CNTN5: variants seen among roughly 807,000 people sequenced by gnomAD.
The protein encoded by CNTN5 is contactin-5.
In CNTN5, 77 loss-of-function variants were observed where a neutral mutation model predicts 129.1. That is an observed-to-expected ratio of 0.60 (90% confidence interval 0.50 to 0.72). CNTN5 has a LOEUF of 0.72. Among genes scored for constraint, CNTN5 ranks in the 30% least tolerant of loss-of-function variants. CNTN5 has a pLI of 0.00. For synonymous variants in CNTN5, 509 were observed against 465.6 expected (o/e 1.09, Z -1.20); for missense variants, 1,478 against 1,328.8 (o/e 1.11, Z -1.75).
At chr11:100,053,500 A>G (rs1402126587) in intron 9 of CNTN5, among the ~76,000 whole-genome samples, 2 of 151,782 alleles carry the variant, frequency 1.3e-5, no homozygotes, top group Admixed American at 1.3e-4. Context: ...ATCAGGCAAT[A>G]TAAATTGAAA....
At position 99,519,336 on chromosome 11, in the gene CNTN5, A is replaced by G. The variant is rs779318104; in HGVS notation, c.-70-36809A>G. 2.2e-4 allele frequency among the ~76,000 whole-genome samples: 34 copies of G among 152,030 alleles called. 1 individual carries two copies. Among genetic ancestry groups the G allele is most frequent in the Non-Finnish European group, 2.9e-5 (2 of 67,938 alleles). On this transcript the variant is annotated intron_variant, in intron 2 of 24. Transcript: ENST00000524871. Reference sequence around the variant, plus strand: ...TTCTTATGCAATACTCTTCTTCTTAACATCATGCTGCTATCCTTACAGTTT... The same window carrying G: ...TTCTTATGCAATACTCTTCTTCTTAGCATCATGCTGCTATCCTTACAGTTT...
intron 3 of CNTN5, among the ~76,000 whole-genome samples, chr11:99,578,499 T>A (rs1256053341): frequency 6.6e-6 from 1 of 150,748 alleles, no homozygotes; most frequent in South Asian, 2.1e-4. Context: ...TGTTGTTTCC[T>A]GACTTTTTAA....
At chr11:99,446,800 C>G (rs559192476) in intron 2 of CNTN5, among the ~76,000 whole-genome samples, 1 of 152,192 alleles carries the variant, frequency 6.6e-6, no homozygotes, top group Non-Finnish European at 1.5e-5. Context: ...ATAGTCAATA[C>G]AATTTAGGCT....
At chr11:99,915,969 G>C (rs932553234) in intron 6 of CNTN5, 85 bp from the exon 7 acceptor site, 1 of 1,040,876 alleles carries the variant, frequency 9.6e-7, no homozygotes, top group Non-Finnish European at 1.4e-6. Flanking sequence ...TGAAGATAAC[G>C]ATAGAAAGTA....
chr11:99,486,967 G>A (rs936633368), intron 2 of CNTN5, among the ~76,000 whole-genome samples: 4 of 152,152 alleles, frequency 2.6e-5, no homozygotes, highest in East Asian at 3.9e-4. Flanking sequence ...GGGGACATAG[G>A]AACTGCATCT....
chr11:100,353,441 A>G (rs909647435), intron 24 of CNTN5, among the ~76,000 whole-genome samples: 3 of 151,592 alleles, frequency 2.0e-5, no homozygotes, highest in African/African-American at 7.3e-5. Flanking sequence ...TATGAAAGTA[A>G]TATGTTTTAG....
intron 7 of CNTN5, among the ~76,000 whole-genome samples, chr11:99,936,195 A>T (rs79961929): frequency 0.29 from 44,443 of 151,996 alleles, 6,923 homozygotes; most frequent in East Asian, 0.36. Flanking sequence ...TATTAAAAAA[A>T]TTTTTTACCT....
intron 4 of CNTN5, among the ~76,000 whole-genome samples, chr11:99,828,183 G>A (rs1490491440): frequency 6.6e-6 from 1 of 152,124 alleles, no homozygotes; most frequent in Non-Finnish European, 1.5e-5. Flanking sequence ...AATCAGTAAT[G>A]TGAATAGCTC....
intron 3 of CNTN5, among the ~76,000 whole-genome samples, chr11:99,802,044 T>C (rs1946130254): frequency 6.6e-6 from 1 of 152,212 alleles, no homozygotes; most frequent in East Asian, 1.9e-4. Context: ...TTTCTCTTCG[T>C]TTTCCCACAA....
At chr11:99,159,161 T>C (rs1042449624) in intron 1 of CNTN5, among the ~76,000 whole-genome samples, 4 of 152,200 alleles carry the variant, frequency 2.6e-5, no homozygotes, top group Non-Finnish European at 5.9e-5. Context: ...TCTGTTTCTT[T>C]AGTGCTGGGT....
At chr11:99,420,940 C>G (rs909863417) in intron 2 of CNTN5, among the ~76,000 whole-genome samples, 2 of 152,154 alleles carry the variant, frequency 1.3e-5, no homozygotes, top group Admixed American at 1.3e-4. Flanking sequence ...TGCACTGTTA[C>G]AGAATCACAG....
intron 3 of CNTN5, among the ~76,000 whole-genome samples, chr11:99,598,289 CTTT>C (rs1950191181): frequency 6.4e-3 from 29 of 4,548 alleles, no homozygotes; most frequent in South Asian, 0.014. Flanking sequence ...CTTTTCTTTT[CTTT>C]TCTTTTCTTT....
intron 1 of CNTN5, among the ~76,000 whole-genome samples, chr11:99,209,588 A>G (rs982233621): frequency 2.0e-5 from 3 of 152,262 alleles, no homozygotes; most frequent in East Asian, 1.9e-4. Flanking sequence ...ACTTCCAACA[A>G]TGGGGATTAC....
At chr11:100,116,673 G>A (rs758297074) in intron 13 of CNTN5, among the ~76,000 whole-genome samples, 1 of 151,752 alleles carries the variant, frequency 6.6e-6, no homozygotes, top group Non-Finnish European at 1.5e-5. Context: ...CCTGTATAAT[G>A]ATAATATAAT....
chr11:100,302,184 T>G (rs1951237298), intron 20 of CNTN5, among the ~76,000 whole-genome samples: 1 of 151,674 alleles, frequency 6.6e-6, no homozygotes, highest in Non-Finnish European at 1.5e-5. Flanking sequence ...CTTCGCAATT[T>G]GCTTTACTTA....
At chr11:99,321,114 GT>G (rs1390209856) in intron 1 of CNTN5, among the ~76,000 whole-genome samples, 1 of 151,890 alleles carries the variant, frequency 6.6e-6, no homozygotes, top group Non-Finnish European at 1.5e-5. Flanking sequence ...CTGGAAGTAC[GT>G]TTTTGGCTCT....
At chr11:99,669,123 C>T (rs1952924633) in intron 3 of CNTN5, among the ~76,000 whole-genome samples, 1 of 152,082 alleles carries the variant, frequency 6.6e-6, no homozygotes, top group African/African-American at 2.4e-5. Context: ...TTCTGCCAAC[C>T]TCTACATTTA....
intron 2 of CNTN5, among the ~76,000 whole-genome samples, chr11:99,414,476 A>G (rs1446850002): frequency 2.0e-5 from 3 of 151,906 alleles, no homozygotes; most frequent in African/African-American, 4.8e-5. Flanking sequence ...GAATATATAT[A>G]GAATATATAT....
intron 2 of CNTN5, among the ~76,000 whole-genome samples, chr11:99,424,355 C>T (rs1262176352): frequency 6.6e-6 from 1 of 152,170 alleles, no homozygotes; most frequent in Non-Finnish European, 1.5e-5. Flanking sequence ...TGTCGCTTTC[C>T]CAGCTGGAAA....
Sources: allele counts gnomAD v4.1 joint callset (sites outside exome capture counted in the v4.1 genomes callset), GRCh38; gene constraint gnomAD v4.1.1; transcripts MANE v1.5; gene names NCBI Gene and HGNC (gene_info 2026-07-23, HGNC 2026-07-21).